RPS6KA2: variants seen among roughly 807,000 people sequenced by gnomAD.
The protein encoded by RPS6KA2 is ribosomal protein S6 kinase A2.
Under a neutral mutation model 91.8 loss-of-function variants are expected in RPS6KA2, and 42 were observed. The observed-to-expected ratio is 0.46, with a 90% CI of 0.36 to 0.59. The LOEUF is 0.59. Ranked by LOEUF, RPS6KA2 falls within the 20% of genes least tolerant of loss-of-function variation. The pLI is 0.00. For synonymous variants in RPS6KA2, 414 were observed against 393.6 expected, an observed-to-expected ratio of 1.05 and a Z score of -0.61; for missense variants, 798 against 978.5, an observed-to-expected ratio of 0.82 and a Z score of 2.46.
At chr6:166,740,828 C>T (rs1162588714) in intron 2 of RPS6KA2, among the ~76,000 whole-genome samples, 1 of 152,246 alleles carries the variant, frequency 6.6e-6, no homozygotes, top group Non-Finnish European at 1.5e-5. Context: ...TACCCAGCCT[C>T]ACCAGTAACA....
At chr6:166,471,375 G>A (rs1238994258) in intron 10 of RPS6KA2, among the ~76,000 whole-genome samples, 1 of 152,190 alleles carries the variant, frequency 6.6e-6, no homozygotes, top group Non-Finnish European at 1.5e-5. Flanking sequence ...GAGGCTCGGG[G>A]GCTGTGGTGG....
intron 2 of RPS6KA2, among the ~76,000 whole-genome samples, chr6:166,816,379 C>A (rs1292575241): frequency 2.0e-5 from 1 of 50,770 alleles, no homozygotes; most frequent in East Asian, 6.0e-4. Context: ...AACCCCGTCT[C>A]TACTAAAAAT....
intron 1 of RPS6KA2, among the ~76,000 whole-genome samples, chr6:166,858,833 C>G (rs1302436225): frequency 6.6e-6 from 1 of 152,278 alleles, no homozygotes; most frequent in Non-Finnish European, 1.5e-5. Flanking sequence ...TACTTAACAA[C>G]TTGGAGCCAC....
Position 166,410,241 on chromosome 6 carries a change from A to C in RPS6KA2, c.*2521T>G, listed in dbSNP as rs6925831. On this transcript the variant is annotated 3_prime_UTR_variant, in exon 21 of 21. Coordinates refer to ENST00000265678, the MANE Select transcript of RPS6KA2 (RefSeq NM_021135.6). ...AGCCAGTTAACTTTTGGGGAGGTCT[A>C]TGTCATTTGTGCAAATCATACGGAG... 6.6e-6 allele frequency: 1 copy of C among 152,182 alleles called. No homozygotes were observed. Among genetic ancestry groups the C allele is most frequent in the Non-Finnish European group, 1.5e-5 (1 of 68,042 alleles). The allele number at this position is 152,182 out of a possible 1,614,324, so 9.4% of individuals were successfully genotyped here. A position where few individuals can be genotyped will look rare whatever the true frequency, so the allele number is the denominator to read the frequency against.
chr6:166,453,629 A>C (rs993884007), intron 12 of RPS6KA2, among the ~76,000 whole-genome samples: 1 of 152,242 alleles, frequency 6.6e-6, no homozygotes, highest in African/African-American at 2.4e-5. Flanking sequence ...TACAACCTCC[A>C]TGAAAAACAG....
At position 166,412,734 on chromosome 6, in the gene RPS6KA2, G is replaced by A. The variant is rs1479457167; in HGVS notation, c.*28C>T. 1.9e-6 allele frequency: 3 copies of A among 1,566,724 alleles called. No homozygotes were observed. The highest frequency in any genetic ancestry group is 2.3e-5 in the South Asian group (2 of 85,888). ...CTGTGAGCCCACGAGGATGCTGGCA[G>A]GGGACGCTGGGGCCAGGGTCCCACC... On this transcript the variant is annotated 3_prime_UTR_variant, in exon 21 of 21. Transcript: ENST00000265678. This position sits in a 1 kb window ranked among gnomAD's most constrained non-coding sequence, Gnocchi z 4.3.
intron 2 of RPS6KA2, among the ~76,000 whole-genome samples, chr6:166,729,813 T>G (rs937600099): frequency 6.6e-6 from 1 of 152,234 alleles, no homozygotes; most frequent in Non-Finnish European, 1.5e-5. Flanking sequence ...TTTTCTTATT[T>G]ATATTCCCCT....
At chr6:166,818,945 C>T (rs564443674) in intron 2 of RPS6KA2, among the ~76,000 whole-genome samples, 1 of 152,116 alleles carries the variant, frequency 6.6e-6, no homozygotes, top group South Asian at 2.1e-4. Context: ...AAGGATGCTC[C>T]CTGGCTCCCT....
intron 8 of RPS6KA2, among the ~76,000 whole-genome samples, chr6:166,496,365 TTAAAAAATAAAAAGAAA>T (rs1011490153): frequency 1.1e-4 from 9 of 83,898 alleles, no homozygotes; most frequent in Non-Finnish European, 2.2e-4. Flanking sequence ...CAATAAAAAA[TTAAAAAATAAAAAGAAA>T]AAAAAGAAAA....
intron 2 of RPS6KA2, among the ~76,000 whole-genome samples, chr6:166,650,334 C>T (rs1250881024): frequency 6.6e-6 from 1 of 151,848 alleles, no homozygotes; most frequent in Non-Finnish European, 1.5e-5. Flanking sequence ...TTAATTTGCA[C>T]CAGGAACTGG....
chr6:166,763,694 A>C (rs1242484691), intron 2 of RPS6KA2, among the ~76,000 whole-genome samples: 1 of 152,196 alleles, frequency 6.6e-6, no homozygotes, highest in Non-Finnish European at 1.5e-5. Context: ...TACAGATAAG[A>C]GCATTGAGAA....
At chr6:166,537,682 C>T (rs2128494295) in intron 2 of RPS6KA2, among the ~76,000 whole-genome samples, 1 of 152,360 alleles carries the variant, frequency 6.6e-6, no homozygotes, top group East Asian at 1.9e-4. Context: ...ACAGCAGCCA[C>T]ATGCATTTTG....
chr6:166,573,045 C>T (rs1484873508), intron 1 of RPS6KA2, among the ~76,000 whole-genome samples: 2 of 152,234 alleles, frequency 1.3e-5, no homozygotes, highest in Non-Finnish European at 2.9e-5. Context: ...GACAGTGTGC[C>T]TGGGGTTCCC....
intron 2 of RPS6KA2, among the ~76,000 whole-genome samples, chr6:166,848,037 T>G (rs4709134): frequency 0.74 from 112,694 of 152,108 alleles, 42,835 homozygotes; most frequent in Non-Finnish European, 0.83. Context: ...ATATTCAGGA[T>G]CTGCAAGGAA....
chr6:166,573,264 C>G (rs1480368364), intron 1 of RPS6KA2, among the ~76,000 whole-genome samples: 2 of 152,230 alleles, frequency 1.3e-5, no homozygotes, highest in African/African-American at 4.8e-5. Context: ...CTCACCACCT[C>G]TGGTTAGAGC....
chr6:166,836,729 C>G (rs757561174), intron 2 of RPS6KA2, among the ~76,000 whole-genome samples: 4 of 152,174 alleles, frequency 2.6e-5, no homozygotes, highest in Non-Finnish European at 4.4e-5. Context: ...GGGCCAGTCT[C>G]GAGGACAGGT....
At chr6:166,596,575 GCT>G (rs771746263) in intron 1 of RPS6KA2, among the ~76,000 whole-genome samples, 5 of 152,122 alleles carry the variant, frequency 3.3e-5, no homozygotes, top group Non-Finnish European at 7.4e-5. Context: ...TTTGCCAGGG[GCT>G]CTCGGGCCTT....
At position 166,508,059 on chromosome 6, in the gene RPS6KA2, ACACT is replaced by A. The variant is rs1239242547; in HGVS notation, c.459+140_459+143del. 1.4e-5 allele frequency: 8 copies of A among 590,448 alleles called. No homozygotes were observed. The highest frequency in any genetic ancestry group is 4.4e-4 in the Middle Eastern group (1 of 2,274). 36.6% of individuals were successfully genotyped at this position (590,448 alleles called of 1,614,324 possible). ...CTCTCCCACACACGCACTCTTGCAC[ACACT>A]CACACATGCACACACCCCCACACAC... On this transcript the variant is annotated intron_variant, in intron 5 of 20. Transcript: ENST00000265678. The surrounding 1 kb of genome is among the most constrained non-coding windows in gnomAD (Gnocchi z 4.3).
intron 1 of RPS6KA2, chr6:166,862,062 G>C: frequency 6.2e-7 from 1 of 1,613,142 alleles, no homozygotes; most frequent in Non-Finnish European, 8.5e-7. Context: ...TGCAGAGTTC[G>C]GATTCTTGAG....
Sources: allele counts gnomAD v4.1 joint callset (sites outside exome capture counted in the v4.1 genomes callset), GRCh38; gene constraint gnomAD v4.1.1; non-coding constraint Gnocchi (gnomAD v3.1); transcripts MANE v1.5; gene names NCBI Gene and HGNC (gene_info 2026-07-23, HGNC 2026-07-21).